The following MGAT4C variants were observed in gnomAD, a reference collection of about 807,000 sequenced individuals.
MGAT4C encodes the protein alpha-1,3-mannosyl-glycoprotein 4-beta-N-acetylglucosaminyltransferase C.
A neutral mutation model predicts 40.1 loss-of-function variants in MGAT4C; 19 were observed. That is an observed-to-expected ratio of 0.47 (90% CI 0.33 to 0.70). The LOEUF is 0.70. Ranked by LOEUF, MGAT4C falls within the 30% of genes least tolerant of loss-of-function variation. MGAT4C has a pLI of 0.02. For missense variants in MGAT4C, 491 were observed against 563.2 expected, an observed-to-expected ratio of 0.87 and a Z score of 1.30; for synonymous variants, 181 against 187.1, an observed-to-expected ratio of 0.97 and a Z score of 0.27.
chr12:86,193,533 A>C (rs1889753506), intron 1 of MGAT4C, among the ~76,000 whole-genome samples: 1 of 152,094 alleles, frequency 6.6e-6, no homozygotes, highest in Non-Finnish European at 1.5e-5. Context: ...TTGCAGGAAA[A>C]AAACTCACTT....
At chr12:86,130,247 G>A (rs916634458) in intron 1 of MGAT4C, among the ~76,000 whole-genome samples, 4 of 149,662 alleles carry the variant, frequency 2.7e-5, no homozygotes, top group African/African-American at 4.9e-5. Context: ...ATGTTGGTTA[G>A]TACTGACTAA....
At chr12:86,310,890 C>T (rs1257130399) in intron 4 of MGAT4C, among the ~76,000 whole-genome samples, 1 of 152,208 alleles carries the variant, frequency 6.6e-6, no homozygotes, top group Admixed American at 6.5e-5. Flanking sequence ...CACCACCGCA[C>T]TCCAGCCTGT....
At chr12:86,015,180 G>A (rs1231091109) in intron 2 of MGAT4C, among the ~76,000 whole-genome samples, 1 of 150,882 alleles carries the variant, frequency 6.6e-6, no homozygotes, top group East Asian at 2.0e-4. Context: ...GTAATAGTAA[G>A]AATGGTTACA....
chr12:86,353,536 C>T (rs1379387176), intron 3 of MGAT4C, among the ~76,000 whole-genome samples: 3 of 152,046 alleles, frequency 2.0e-5, no homozygotes, highest in African/African-American at 2.4e-5. Context: ...GAACTGTGAC[C>T]GCTATAGGAC....
chr12:85,989,828 T>C (rs1885679565), intron 2 of MGAT4C, among the ~76,000 whole-genome samples: 1 of 152,026 alleles, frequency 6.6e-6, no homozygotes, highest in African/African-American at 2.4e-5. Flanking sequence ...CATAATAATG[T>C]AAATAAAACA....
chr12:86,010,719 C>T (rs114488926), intron 2 of MGAT4C, among the ~76,000 whole-genome samples: 3,077 of 152,006 alleles, frequency 0.02, 97 homozygotes, highest in African/African-American at 0.071. Flanking sequence ...CACACAAAAC[C>T]CATGTTGAAA....
chr12:86,718,857 C>A (rs1049607698), intron 2 of MGAT4C, among the ~76,000 whole-genome samples: 2 of 152,020 alleles, frequency 1.3e-5, no homozygotes, highest in Non-Finnish European at 1.5e-5. Context: ...CATCCCACCC[C>A]CTCCATGGAA....
chr12:86,711,793 A>T (rs867688329), intron 2 of MGAT4C, among the ~76,000 whole-genome samples: 5 of 152,180 alleles, frequency 3.3e-5, no homozygotes, highest in Non-Finnish European at 7.4e-5. Flanking sequence ...TCAGAGCCAG[A>T]CACACAATTT....
At chr12:86,594,179 T>C (rs771554049) in intron 2 of MGAT4C, among the ~76,000 whole-genome samples, 6 of 152,144 alleles carry the variant, frequency 3.9e-5, no homozygotes, top group African/African-American at 7.2e-5. Context: ...TTCAGCGATA[T>C]GTAGCTAGGA....
intron 4 of MGAT4C, among the ~76,000 whole-genome samples, chr12:85,982,564 T>C (rs1884728019): frequency 6.6e-6 from 1 of 152,192 alleles, no homozygotes; most frequent in South Asian, 2.1e-4. Context: ...ATAATTAAAA[T>C]TGGTAATGCT....
At chr12:86,194,673 G>A (rs1398038106) in intron 1 of MGAT4C, among the ~76,000 whole-genome samples, 5 of 150,944 alleles carry the variant, frequency 3.3e-5, no homozygotes, top group Admixed American at 6.6e-5. Context: ...CATGTTGGCC[G>A]TGATGGTCTT....
At chr12:86,098,210 A>C (rs1001554533) in intron 1 of MGAT4C, among the ~76,000 whole-genome samples, 3 of 151,654 alleles carry the variant, frequency 2.0e-5, no homozygotes, top group African/African-American at 4.8e-5. Context: ...ATTGTCCTTC[A>C]TCCTCCTGCT....
Position 85,974,211 on chromosome 12 carries a change from A to G in MGAT4C, c.*5078T>C, listed in dbSNP as rs1883789345. ...AAATTTAAAGTATCTAAAAGGATGC[A>G]CAAAGATCTCTAATGTGCTGTGATT... On this transcript the variant is annotated 3_prime_UTR_variant, in exon 5 of 5. Coordinates refer to ENST00000611864, the MANE Select transcript of MGAT4C (RefSeq NM_001351288.2). The G allele has an allele frequency of 6.6e-6, 1 of 150,906 alleles. No individual in the cohort carries two copies. Among genetic ancestry groups the G allele is most frequent in the South Asian group, 2.1e-4 (1 of 4,830 alleles). The allele number at this position is 150,906 out of a possible 1,614,324, so 9.3% of individuals were successfully genotyped here.
chr12:86,255,797 C>A (rs1002501627), intron 1 of MGAT4C, among the ~76,000 whole-genome samples: 5 of 151,872 alleles, frequency 3.3e-5, no homozygotes, highest in Admixed American at 6.6e-5. Flanking sequence ...GAAAACTGTC[C>A]CAAAGAACTG....
chr12:86,834,176 A>T (rs1268479639), intron 1 of MGAT4C, among the ~76,000 whole-genome samples: 1 of 3,114 alleles, frequency 3.2e-4, no homozygotes, highest in African/African-American at 1.0e-3. Context: ...AGATAGATAG[A>T]TATAGATATA....
intron 1 of MGAT4C, among the ~76,000 whole-genome samples, chr12:86,249,384 G>A (rs12321412): frequency 0.013 from 2,047 of 152,174 alleles, 26 homozygotes; most frequent in African/African-American, 0.029. Flanking sequence ...TAAAGTTAGC[G>A]GAAATTAATG....
chr12:86,602,931 C>T (rs189196013), intron 2 of MGAT4C, among the ~76,000 whole-genome samples: 99 of 150,746 alleles, frequency 6.6e-4, no homozygotes, highest in Non-Finnish European at 5.9e-5. Context: ...ATCATTTAGC[C>T]TTAAAAAGAA....
intron 1 of MGAT4C, among the ~76,000 whole-genome samples, chr12:86,734,395 C>G (rs1248746806): frequency 1.3e-5 from 2 of 151,944 alleles, no homozygotes; most frequent in African/African-American, 4.8e-5. Context: ...TGTGCAGGGG[C>G]TGAACTTGAA....
intron 2 of MGAT4C, chr12:86,011,855 A>G (rs1888492336): frequency 1.0e-6 from 1 of 985,306 alleles, no homozygotes; most frequent in Non-Finnish European, 1.2e-6. Context: ...ATTTGCAACC[A>G]GGTGAGCACA....
Sources: gnomAD v4.1 joint callset for allele counts (sites outside exome capture counted in the v4.1 genomes callset) on GRCh38, gnomAD v4.1.1 for gene constraint, MANE v1.5 for transcripts, NCBI Gene and HGNC (gene_info 2026-07-23, HGNC 2026-07-21) for gene names.